N4BP2L1: variants seen among roughly 807,000 people sequenced by gnomAD.
N4BP2L1 encodes the protein NEDD4 binding protein 2 like 1.
Under a neutral mutation model 21.2 loss-of-function variants are expected in N4BP2L1, and 12 were observed. That is an observed-to-expected ratio of 0.57 (90% CI 0.36 to 0.92). The LOEUF (loss-of-function observed/expected upper bound fraction) is 0.92, where lower values mean the gene tolerates loss of function less well. Ranked by LOEUF, N4BP2L1 falls within the 40% of genes least tolerant of loss-of-function variation. The pLI, the probability that N4BP2L1 is intolerant of heterozygous loss-of-function variation, is 0.01. For missense variants in N4BP2L1, 259 were observed against 310.6 expected (o/e 0.83, Z 1.25); for synonymous variants, 104 against 112.8 (o/e 0.92, Z 0.49).
chr13:32,402,291 G>C lies in N4BP2L1; in HGVS notation c.*651C>G. The C allele has an allele frequency of 1.8e-6, 1 of 568,186 alleles. No individual in the cohort carries two copies. The highest frequency in any genetic ancestry group is 2.2e-6 in the Non-Finnish European group (1 of 449,034). The allele number at this position is 568,186 out of a possible 1,614,324, so 35.2% of individuals were successfully genotyped here. On this transcript the variant is annotated 3_prime_UTR_variant, in exon 5 of 5. Coordinates refer to ENST00000380130, the MANE Select transcript of N4BP2L1 (RefSeq NM_052818.3). The stretch of plus-strand genomic sequence containing the variant: ...TAAATAATGACACTGATTTCCCTCA[G>C]TAGCTCCTGTAGCTATTAAGGATTT...
intron 1 of N4BP2L1, among the ~76,000 whole-genome samples, chr13:32,417,541 C>T (rs1183538579): frequency 3.3e-5 from 5 of 152,182 alleles, no homozygotes; most frequent in Middle Eastern, 3.4e-3. Flanking sequence ...TACCCAGTTT[C>T]GGGTATGTCT....
chr13:32,422,688 T>C (rs1186963983), intron 1 of N4BP2L1, among the ~76,000 whole-genome samples: 1 of 152,154 alleles, frequency 6.6e-6, no homozygotes, highest in Non-Finnish European at 1.5e-5. Flanking sequence ...AACAAGCACA[T>C]ACCACGCTGT....
At chr13:32,421,942 G>A (rs1466240859) in intron 1 of N4BP2L1, among the ~76,000 whole-genome samples, 1 of 152,196 alleles carries the variant, frequency 6.6e-6, no homozygotes, top group Non-Finnish European at 1.5e-5. Context: ...AAACTGCCAT[G>A]AAGGAACTAA....
chr13:32,403,622 A>G, intron 4 of N4BP2L1: 1 of 506,246 alleles, frequency 2.0e-6, no homozygotes, highest in South Asian at 1.5e-5. Context: ...TGGGCAGAAG[A>G]ATCAACTGGG....
chr13:32,404,511 A>G, intron 3 of N4BP2L1, 114 bp from the exon 4 acceptor site: 1 of 736,178 alleles, frequency 1.4e-6, no homozygotes, highest in Non-Finnish European at 2.3e-6. Flanking sequence ...TTGTTTTACC[A>G]GTAATCCAAT....
chr13:32,406,943 G>A (rs1470576311), intron 3 of N4BP2L1: 4 of 379,984 alleles, frequency 1.1e-5, no homozygotes, highest in African/African-American at 2.1e-5. Flanking sequence ...ATTTCGGTGG[G>A]TGCTTCTCTG....
intron 3 of N4BP2L1, 64 bp from the exon 4 acceptor site, chr13:32,404,461 T>C (rs909185552): frequency 4.0e-5 from 46 of 1,163,930 alleles, no homozygotes; most frequent in African/African-American, 6.1e-5. Flanking sequence ...ATGTTTATGC[T>C]GCCATTTAAC....
At position 32,407,730 on chromosome 13, in the gene N4BP2L1, C is replaced by G; in HGVS notation, c.222G>C (p.Thr74=). 1 of 1,607,246 alleles carries G rather than the reference C, an allele frequency of 6.2e-7. No homozygotes were observed. The highest frequency in any genetic ancestry group is 8.5e-7 in the Non-Finnish European group (1 of 1,177,330). The part of the protein sequence containing the change: ...HDFPRALIFS[T]DDFFFREDGA... ...CATCTTCCCTGAAGAAAAAATCATC[C>G]GTGCTGAAAATCAGGGCCCTGGGAA... Residue 74 remains threonine, a synonymous_variant, in exon 2 of 5, where the codon ACG becomes ACC. Transcript: ENST00000380130.
intron 1 of N4BP2L1, among the ~76,000 whole-genome samples, chr13:32,409,999 G>A (rs2073759072): frequency 1.3e-5 from 2 of 152,236 alleles, no homozygotes; most frequent in Admixed American, 1.3e-4. Flanking sequence ...TGTCAGAGGA[G>A]CAAAGATCAT....
At chr13:32,420,200 C>T (rs1281904411) in intron 1 of N4BP2L1, among the ~76,000 whole-genome samples, 1 of 152,230 alleles carries the variant, frequency 6.6e-6, no homozygotes, top group Non-Finnish European at 1.5e-5. Flanking sequence ...CCCAGAGAGC[C>T]CTCATTCTCG....
At chr13:32,408,025 T>G (rs1472567571) in intron 1 of N4BP2L1, among the ~76,000 whole-genome samples, 1 of 152,244 alleles carries the variant, frequency 6.6e-6, no homozygotes, top group Non-Finnish European at 1.5e-5. Context: ...GCACAGTCAC[T>G]GCCGCTGCCT....
In N4BP2L1 at chr13:32,402,247, A is replaced by G; in HGVS notation, c.*695T>C. 1 of 866,746 alleles carries G rather than the reference A, an allele frequency of 1.2e-6. No individual in the cohort carries two copies. Among genetic ancestry groups the G allele is most frequent in the Non-Finnish European group, 1.4e-6 (1 of 721,782 alleles). 53.7% of individuals were successfully genotyped at this position (866,746 alleles called of 1,614,324 possible). A position where few individuals can be genotyped will look rare whatever the true frequency, so the allele number is the denominator to read the frequency against. ...TTTAATCCTGCTGAATAAAGTAGTA[A>G]AAACACAAGGCGTGACTTTAAATAA... On this transcript the variant is annotated 3_prime_UTR_variant, in exon 5 of 5. Transcript: ENST00000380130.
chr13:32,415,108 A>AG (rs1228284729), intron 1 of N4BP2L1, among the ~76,000 whole-genome samples: 1 of 152,234 alleles, frequency 6.6e-6, no homozygotes, highest in Non-Finnish European at 1.5e-5. Context: ...AAAAAGACAG[A>AG]GGTAGAATCC....
chr13:32,418,288 A>G (rs2074261271), intron 1 of N4BP2L1, among the ~76,000 whole-genome samples: 1 of 152,256 alleles, frequency 6.6e-6, no homozygotes, highest in Non-Finnish European at 1.5e-5. Flanking sequence ...TGTACAGCTC[A>G]GACCATTGCT....
Position 32,402,638 on chromosome 13 carries a change from T to C in N4BP2L1, c.*304A>G. ...AAGCTTATATATAATATAAACACTT[T>C]ATTTCATCTATGAACCTATGTAAAT... is the stretch of plus-strand genomic sequence containing the variant. On this transcript the variant is annotated 3_prime_UTR_variant, in exon 5 of 5. Transcript: ENST00000380130. 2 of 1,099,928 alleles carry C rather than the reference T, an allele frequency of 1.8e-6. No individual in the cohort carries two copies. Among genetic ancestry groups the C allele is most frequent in the Non-Finnish European group, 2.2e-6 (2 of 901,750 alleles). The allele number at this position is 1,099,928 out of a possible 1,614,324, so 68.1% of individuals were successfully genotyped here.
At chr13:32,414,322 A>G (rs2074016038) in intron 1 of N4BP2L1, among the ~76,000 whole-genome samples, 1 of 152,138 alleles carries the variant, frequency 6.6e-6, no homozygotes, top group African/African-American at 2.4e-5. Context: ...TGCTTAACCA[A>G]TGGTCTATGG....
intron 1 of N4BP2L1, among the ~76,000 whole-genome samples, chr13:32,427,658 C>T (rs1278060071): frequency 6.6e-6 from 1 of 152,104 alleles, no homozygotes; most frequent in African/African-American, 2.4e-5. Flanking sequence ...AGGACGAGCT[C>T]CCTCCTCTCC....
Position 32,427,903 on chromosome 13 carries a change from C to G in N4BP2L1, c.179+1G>C. 2 of 1,502,862 alleles carry G rather than the reference C, an allele frequency of 1.3e-6. No homozygotes were observed. The highest frequency in any genetic ancestry group is 8.9e-7 in the Non-Finnish European group (1 of 1,125,542). 93.1% of individuals were successfully genotyped at this position (1,502,862 alleles called of 1,614,324 possible). The stretch of plus-strand genomic sequence containing the variant: ...ACCGGCGCCCAGACCGCTGTCATTA[C>G]CTGGCCAGTGTAGTTTTCCCGGAGC... On this transcript the variant is annotated splice_donor_variant, in intron 1 of 4. Coordinates refer to ENST00000380130, the MANE Select transcript of N4BP2L1 (RefSeq NM_052818.3). LOFTEE classifies it high-confidence loss of function.
Position 32,407,357 on chromosome 13 carries a change from TAACAGTGAACAACATGCA to T in N4BP2L1, c.308-37_308-20del. On this transcript the variant is annotated intron_variant, in intron 2 of 4. Transcript: ENST00000380130. ...TTTCTTGCTGCAACACAATGTTACA[TAACAGTGAACAACATGCA>T]ACAATCAGAGGGAAGGTGAGCGTAA... 6.2e-7 allele frequency: 1 copy of T among 1,614,132 alleles called. No homozygotes were observed. The highest frequency in any genetic ancestry group is 8.5e-7 in the Non-Finnish European group (1 of 1,180,026).
Sources: gnomAD v4.1 joint callset for allele counts (sites outside exome capture counted in the v4.1 genomes callset) on GRCh38, gnomAD v4.1.1 for gene constraint, MANE v1.5 for transcripts, NCBI Gene and HGNC (gene_info 2026-07-23, HGNC 2026-07-21) for gene names.